ADGRL3: variants seen among roughly 807,000 people sequenced by gnomAD.
The protein encoded by ADGRL3 is calcium-independent alpha-latrotoxin receptor 3.
In ADGRL3, 62 loss-of-function variants were observed where a neutral mutation model predicts 153.5. The observed-to-expected ratio is 0.40, with a 90% confidence interval of 0.33 to 0.50. The LOEUF (loss-of-function observed/expected upper bound fraction) is 0.50. Ranked by LOEUF, ADGRL3 falls within the 20% of genes least tolerant of loss-of-function variation. ADGRL3 has a pLI of 0.47. For synonymous variants in ADGRL3, 710 were observed against 672.5 expected, an observed-to-expected ratio of 1.06 and a Z score of -0.86; for missense variants, 1,641 against 1,859.4, an observed-to-expected ratio of 0.88 and a Z score of 2.16.
chr4:61,487,184 A>G (rs2098205034), intron 2 of ADGRL3, among the ~76,000 whole-genome samples: 1 of 152,198 alleles, frequency 6.6e-6, no homozygotes, highest in Non-Finnish European at 1.5e-5. Flanking sequence ...GAGAAGCAGT[A>G]GAATCTAATG....
At chr4:61,824,756 C>T (rs1211577035) in intron 9 of ADGRL3, among the ~76,000 whole-genome samples, 2 of 152,152 alleles carry the variant, frequency 1.3e-5, no homozygotes, top group Non-Finnish European at 2.9e-5. Flanking sequence ...CACACACATG[C>T]CACTCTGGAG....
At chr4:61,730,564 C>T (rs1046637920) in intron 6 of ADGRL3, 58 bp from the exon 7 acceptor site, 5 of 414,348 alleles carry the variant, frequency 1.2e-5, no homozygotes, top group East Asian at 3.7e-5. Flanking sequence ...TGGCCAATAC[C>T]GTACCATTAA....
intron 8 of ADGRL3, among the ~76,000 whole-genome samples, chr4:61,748,816 T>C (rs980627844): frequency 6.6e-6 from 1 of 151,788 alleles, no homozygotes; most frequent in African/African-American, 2.4e-5. Flanking sequence ...ACTTCATGTC[T>C]AAAACACCAA....
chr4:62,048,344 C>T (rs1271977281), intron 25 of ADGRL3, among the ~76,000 whole-genome samples: 3 of 152,004 alleles, frequency 2.0e-5, no homozygotes, highest in Admixed American at 1.3e-4. Context: ...CTCACTGCAA[C>T]CTCCATCTCC....
chr4:61,434,020 C>T (rs2097409949), intron 2 of ADGRL3, among the ~76,000 whole-genome samples: 1 of 152,100 alleles, frequency 6.6e-6, no homozygotes, highest in Non-Finnish European at 1.5e-5. Context: ...TTGATTATAT[C>T]TCTGCCATCC....
At chr4:61,429,066 T>C (rs1366467789) in intron 2 of ADGRL3, among the ~76,000 whole-genome samples, 3 of 152,112 alleles carry the variant, frequency 2.0e-5, no homozygotes, top group African/African-American at 7.2e-5. Context: ...CAAACCCAGG[T>C]ATAATTTTAC....
chr4:61,560,923 G>A (rs2098792511), intron 4 of ADGRL3, among the ~76,000 whole-genome samples: 1 of 152,112 alleles, frequency 6.6e-6, no homozygotes. Flanking sequence ...TCAGGTGAAA[G>A]GTCATGGTAA....
intron 8 of ADGRL3, among the ~76,000 whole-genome samples, chr4:61,743,099 T>C (rs2096602794): frequency 6.6e-6 from 1 of 151,768 alleles, no homozygotes; most frequent in South Asian, 2.1e-4. Flanking sequence ...GGCAGGCGGA[T>C]CACAAGGTTA....
chr4:61,524,147 A>G (rs909778751), intron 4 of ADGRL3, among the ~76,000 whole-genome samples: 1 of 152,070 alleles, frequency 6.6e-6, no homozygotes, highest in Non-Finnish European at 1.5e-5. Flanking sequence ...CTTACCTAAA[A>G]CAATGTGTGG....
At chr4:61,503,195 G>A (rs1280306811) in intron 3 of ADGRL3, among the ~76,000 whole-genome samples, 3 of 152,062 alleles carry the variant, frequency 2.0e-5, no homozygotes, top group Non-Finnish European at 4.4e-5. Flanking sequence ...CAGTATGCAG[G>A]TTGGCAATTG....
chr4:61,695,796 T>C (rs907959454), intron 6 of ADGRL3, among the ~76,000 whole-genome samples: 1 of 152,202 alleles, frequency 6.6e-6, no homozygotes, highest in African/African-American at 2.4e-5. Flanking sequence ...TGCTGTTTTA[T>C]TGACTTTCAT....
intron 6 of ADGRL3, among the ~76,000 whole-genome samples, chr4:61,718,100 C>T (rs1399416922): frequency 6.6e-6 from 1 of 151,980 alleles, no homozygotes; most frequent in Non-Finnish European, 1.5e-5. Flanking sequence ...CATAATGGAA[C>T]AGACCATGGT....
At chr4:61,599,476 G>T (rs1016764809) in intron 5 of ADGRL3, among the ~76,000 whole-genome samples, 25 of 152,144 alleles carry the variant, frequency 1.6e-4, no homozygotes, top group African/African-American at 4.8e-4. Flanking sequence ...GGGATTACAG[G>T]TGCCTGCCAC....
At position 61,587,278 on chromosome 4, in the gene ADGRL3, G is replaced by T; in HGVS notation, c.311G>T (p.Cys104Phe). 1 of 1,610,728 alleles carries T rather than the reference G, an allele frequency of 6.2e-7. No individual in the cohort carries two copies. Among genetic ancestry groups the T allele is most frequent in the Non-Finnish European group, 8.5e-7 (1 of 1,178,308 alleles). Residue 104 changes from cysteine to phenylalanine, a missense_variant, in exon 5 of 27, where the codon TGT (cysteine) becomes TTT (phenylalanine). Around this residue, in one of 5 missense-constraint regions of ADGRL3, gnomAD observed 213 missense variants for 362.1 expected, o/e 0.59. Coordinates refer to ENST00000683033, the MANE Select transcript of ADGRL3 (RefSeq NM_001387552.1). ...PMAVVRRELSCESYPIELRCP... is the reference protein window; with the variant it reads ...PMAVVRRELSFESYPIELRCP... ...GCTGTGGTCCGCAGAGAGCTATCCT[G>T]TGAGAGCTATCCTATAGAGCTTCGC...
chr4:61,806,415 A>G (rs35680649), intron 8 of ADGRL3, among the ~76,000 whole-genome samples: 8,104 of 151,764 alleles, frequency 0.053, 367 homozygotes, highest in African/African-American at 0.12. Context: ...GTATATAAAT[A>G]CAATATATAA....
chr4:61,373,101 C>A (rs1350719308), intron 1 of ADGRL3, among the ~76,000 whole-genome samples: 1 of 152,246 alleles, frequency 6.6e-6, no homozygotes, highest in African/African-American at 2.4e-5. Context: ...GCAGGGTGCG[C>A]ACACTCACTG....
chr4:61,509,494 CTT>C (rs1392400481), intron 3 of ADGRL3, among the ~76,000 whole-genome samples: 6 of 152,070 alleles, frequency 3.9e-5, no homozygotes, highest in African/African-American at 1.4e-4. Flanking sequence ...TGTGTGCAAT[CTT>C]TGGTTTTCTG....
At chr4:61,516,815 C>CAAACAA (rs2098498457) in intron 3 of ADGRL3, among the ~76,000 whole-genome samples, 1 of 152,040 alleles carries the variant, frequency 6.6e-6, no homozygotes, top group African/African-American at 2.4e-5. Context: ...TGTAACCATA[C>CAAACAA]ATCAAACAAA....
intron 1 of ADGRL3, among the ~76,000 whole-genome samples, chr4:61,270,520 A>C (rs1214194554): frequency 6.6e-6 from 1 of 151,816 alleles, no homozygotes; most frequent in Non-Finnish European, 1.5e-5. Flanking sequence ...CTGTCTAGTC[A>C]AAAAAGGTCC....
Sources: gnomAD v4.1 joint callset for allele counts (sites outside exome capture counted in the v4.1 genomes callset) on GRCh38, gnomAD v4.1.1 for gene constraint, gnomAD v4.1.1 regional missense constraint, MANE v1.5 for transcripts, NCBI Gene and HGNC (gene_info 2026-07-23, HGNC 2026-07-21) for gene names.